Variants in SH3D19 observed in about 807,000 individuals in gnomAD.
SH3D19 encodes SH3 domain-containing protein 19.
Under a neutral mutation model 112.1 loss-of-function variants are expected in SH3D19, and 58 were observed. The ratio of observed to expected loss-of-function variants is 0.52; its 90% CI spans 0.42 to 0.64. The LOEUF (loss-of-function observed/expected upper bound fraction) is 0.64, where lower values mean the gene tolerates loss of function less well. Ranked by LOEUF, SH3D19 falls within the 30% of genes least tolerant of loss-of-function variation. The pLI is 0.00. For synonymous variants in SH3D19, 391 were observed against 448.5 expected, an observed-to-expected ratio of 0.87 and a Z score of 1.62; for missense variants, 1,090 against 1,263.4, an observed-to-expected ratio of 0.86 and a Z score of 2.08.
At position 151,201,709 on chromosome 4, in the gene SH3D19, C is replaced by T. The variant is rs539372688; in HGVS notation, c.153-14246G>A. ...AAGGAGAGGGTAAAGTATAATCAAA[C>T]TCTAAAAAATAATAAAATAGGCCGG... is the stretch of plus-strand genomic sequence containing the variant. On this transcript the variant is annotated intron_variant, in intron 2 of 19. Transcript: ENST00000604030. Among the ~76,000 whole-genome samples, 5 of 152,126 alleles carry T rather than the reference C, an allele frequency of 3.3e-5. No individual in the cohort carries two copies. In the South Asian group the frequency reaches 8.3e-4, roughly 25 times the overall value.
chr4:151,183,439 G>A (rs1253836569), intron 3 of SH3D19, among the ~76,000 whole-genome samples: 2 of 152,138 alleles, frequency 1.3e-5, no homozygotes, highest in Non-Finnish European at 2.9e-5. Flanking sequence ...GACCCTCAGC[G>A]ATCGTCCTAC....
At chr4:151,159,470 T>G (rs1756759773) in intron 8 of SH3D19, 118 bp from the exon 9 acceptor site, 3 of 637,548 alleles carry the variant, frequency 4.7e-6, no homozygotes, top group Non-Finnish European at 8.0e-6. Flanking sequence ...ACACAAATAG[T>G]TAAGCAAATG....
chr4:151,264,650 T>C (rs1258790393), intron 1 of SH3D19, among the ~76,000 whole-genome samples: 5 of 152,098 alleles, frequency 3.3e-5, no homozygotes, highest in Admixed American at 3.3e-4. Flanking sequence ...ATGGATTAAA[T>C]TTTATAGTTG....
At chr4:151,141,023 T>G (rs1257861626) in intron 12 of SH3D19, 1 of 152,202 alleles carries the variant, frequency 6.6e-6, no homozygotes, top group African/African-American at 2.4e-5. Flanking sequence ...TATATTAGCT[T>G]ACTAAGAAGA....
intron 1 of SH3D19, chr4:151,300,650 CT>C (rs1275563578): frequency 6.6e-6 from 1 of 150,664 alleles, no homozygotes; most frequent in East Asian, 1.9e-4. Flanking sequence ...GAAATTTGAG[CT>C]TTTAGGCGGA....
At chr4:151,290,071 G>A (rs769814350) in intron 1 of SH3D19, among the ~76,000 whole-genome samples, 6 of 152,156 alleles carry the variant, frequency 3.9e-5, no homozygotes, top group Non-Finnish European at 5.9e-5. Context: ...TCAGCTTCCC[G>A]AGTGGTTGGG....
intron 1 of SH3D19, among the ~76,000 whole-genome samples, chr4:151,278,843 G>A (rs1230497406): frequency 6.6e-6 from 1 of 152,156 alleles, no homozygotes; most frequent in East Asian, 1.9e-4. Context: ...ATGTTGCCCA[G>A]GCTGGTTTTG....
chr4:151,136,011 C>CAA (rs1751767295), intron 14 of SH3D19, among the ~76,000 whole-genome samples: 8 of 152,018 alleles, frequency 5.3e-5, no homozygotes, highest in Admixed American at 5.2e-4. Flanking sequence ...CAAAACAAAA[C>CAA]AAAACAAAAC....
intron 1 of SH3D19, among the ~76,000 whole-genome samples, chr4:151,323,947 C>T (rs1295257947): frequency 7.2e-5 from 11 of 152,200 alleles, no homozygotes; most frequent in African/African-American, 2.4e-4. Flanking sequence ...TCAGGCATGG[C>T]GGTATATCTT....
At chr4:151,174,331 A>G (rs1418444569) in intron 7 of SH3D19, among the ~76,000 whole-genome samples, 1 of 152,166 alleles carries the variant, frequency 6.6e-6, no homozygotes, top group Non-Finnish European at 1.5e-5. Context: ...GCCAAGAGTA[A>G]GGGGAGCCAG....
At chr4:151,172,762 A>T (rs547337879) in intron 7 of SH3D19, among the ~76,000 whole-genome samples, 1 of 152,332 alleles carries the variant, frequency 6.6e-6, no homozygotes, top group South Asian at 2.1e-4. Flanking sequence ...ACAGCTAGCC[A>T]CTGTGTGACA....
At chr4:151,218,413 GTTTT>G (rs912244716) in intron 2 of SH3D19, among the ~76,000 whole-genome samples, 3 of 150,202 alleles carry the variant, frequency 2.0e-5, no homozygotes, top group Non-Finnish European at 4.4e-5. Flanking sequence ...ACTATGCAGA[GTTTT>G]TTTTTTTTCT....
At chr4:151,255,352 T>G (rs1384387874) in intron 1 of SH3D19, among the ~76,000 whole-genome samples, 2 of 135,456 alleles carry the variant, frequency 1.5e-5, no homozygotes, top group East Asian at 2.4e-4. Flanking sequence ...CCAGACAGGG[T>G]CGCGGCCGGG....
chr4:151,149,117 G>A (rs538303724), intron 10 of SH3D19, among the ~76,000 whole-genome samples: 13 of 151,982 alleles, frequency 8.6e-5, no homozygotes, highest in Admixed American at 2.6e-4. Flanking sequence ...GAATAGCTCC[G>A]GAACTCAGAA....
At chr4:151,171,708 T>G (rs1759101112) in intron 7 of SH3D19, among the ~76,000 whole-genome samples, 1 of 152,322 alleles carries the variant, frequency 6.6e-6, no homozygotes, top group East Asian at 1.9e-4. Context: ...CATCCCTGGC[T>G]TGCTTTTCTG....
chr4:151,137,741 G>A lies in SH3D19; in HGVS notation c.2418C>T (p.Val806=). Residue 806 remains valine (V), a synonymous_variant, in exon 14 of 20, where the codon GTC becomes GTT. Transcript: ENST00000604030. ...AACACAACCCACTTACAATCACTTT[G>A]ACATAGTTGGCAGGAAATATGCCAA... ...NQIGIFPANY[V]KVIIDIPEGG... 2 of 1,599,940 alleles carry A rather than the reference G, an allele frequency of 1.3e-6. No homozygotes were observed. Among genetic ancestry groups the A allele is most frequent in the Non-Finnish European group, 1.7e-6 (2 of 1,174,528 alleles).
At position 151,122,913 on chromosome 4, in the gene SH3D19, G is replaced by A. The variant is rs527510782; in HGVS notation, c.3028-706C>T. 6.1e-5 allele frequency among the ~76,000 whole-genome samples: 9 copies of A among 147,010 alleles called. No homozygotes were observed. The South Asian group carries it at 8.6e-4, about 14-fold the overall frequency. ...GTCACCCAGGCTGGAGTGCAATGGT[G>A]CAATCTCGGCTCACTGCAACCTCTG... On this transcript the variant is annotated intron_variant, in intron 19 of 19. Coordinates refer to ENST00000604030, the MANE Select transcript of SH3D19 (RefSeq NM_001378122.1).
At chr4:151,277,105 C>T in intron 1 of SH3D19, 3 of 1,223,354 alleles carry the variant, frequency 2.5e-6, no homozygotes. Flanking sequence ...GGCAGCTCCC[C>T]ATTGGCCTCT....
intron 10 of SH3D19, 37 bp from the exon 11 acceptor site, chr4:151,148,223 G>T: frequency 1.9e-6 from 3 of 1,538,590 alleles, no homozygotes; most frequent in African/African-American, 1.4e-5. Context: ...TCAGTGTTTT[G>T]ATCAGTATTA....
Sources: gnomAD v4.1 joint callset for allele counts (sites outside exome capture counted in the v4.1 genomes callset) on GRCh38, gnomAD v4.1.1 for gene constraint, MANE v1.5 for transcripts, NCBI Gene and HGNC (gene_info 2026-07-23, HGNC 2026-07-21) for gene names.